CTIF: variants seen among roughly 807,000 people sequenced by gnomAD.
CTIF encodes cap binding complex dependent translation initiation factor.
CTIF carries 21 observed loss-of-function variants against 66.0 expected under a neutral mutation model. That is an observed-to-expected ratio of 0.32 (90% CI 0.23 to 0.46). The LOEUF (loss-of-function observed/expected upper bound fraction) is 0.46, where lower values mean the gene tolerates loss of function less well. Among genes scored for constraint, CTIF ranks in the 20% least tolerant of loss-of-function variants. The pLI is 1.00. For missense variants in CTIF, 739 were observed against 812.7 expected, an observed-to-expected ratio of 0.91 and a Z score of 1.10; for synonymous variants, 345 against 326.4, an observed-to-expected ratio of 1.06 and a Z score of -0.62.
At chr18:48,587,639 T>C (rs1017301428) in intron 1 of CTIF, among the ~76,000 whole-genome samples, 2 of 152,196 alleles carry the variant, frequency 1.3e-5, no homozygotes, top group African/African-American at 4.8e-5. Flanking sequence ...GGCCTCACTT[T>C]TCTCATCTGT....
At chr18:48,666,261 A>G (rs1359692945) in intron 5 of CTIF, among the ~76,000 whole-genome samples, 1 of 152,064 alleles carries the variant, frequency 6.6e-6, no homozygotes, top group African/African-American at 2.4e-5. Context: ...ACACTATCCT[A>G]CATCTCACAT....
chr18:48,550,045 C>T (rs1390619261), intron 1 of CTIF, among the ~76,000 whole-genome samples: 1 of 152,182 alleles, frequency 6.6e-6, no homozygotes, highest in Non-Finnish European at 1.5e-5. Flanking sequence ...GTTTATATCA[C>T]TATAGGTTTG....
intron 5 of CTIF, among the ~76,000 whole-genome samples, chr18:48,669,325 C>G (rs144926664): frequency 5.3e-5 from 8 of 152,152 alleles, no homozygotes; most frequent in African/African-American, 1.9e-4. Context: ...TGGGACATCT[C>G]TCACCATTCC....
In CTIF at chr18:48,862,675, C is replaced by G. The variant is rs966200690; in HGVS notation, c.*3116C>G. 1 of 150,786 alleles carries G rather than the reference C, an allele frequency of 6.6e-6. No homozygotes were observed. Among genetic ancestry groups the G allele is most frequent in the Non-Finnish European group, 1.5e-5 (1 of 68,014 alleles). The allele number at this position is 150,786 out of a possible 1,614,324, so 9.3% of individuals were successfully genotyped here. A position where few individuals can be genotyped will look rare whatever the true frequency, so the allele number is the denominator to read the frequency against. On this transcript the variant is annotated 3_prime_UTR_variant, in exon 12 of 12. Transcript: ENST00000256413. ...TATTCTGATTGATTTTTATTTTATT[C>G]TATTATTTTCTCCGAGGGATGAGGG...
In CTIF at chr18:48,618,184, T is replaced by C. The variant is rs1345765667; in HGVS notation, c.-28-1354T>C. Among the ~76,000 whole-genome samples, 3 of 152,208 alleles carry C rather than the reference T, an allele frequency of 2.0e-5. No homozygotes were observed. The East Asian group carries it at 5.8e-4, about 29-fold the overall frequency. On this transcript the variant is annotated intron_variant, in intron 1 of 11. Transcript: ENST00000256413. ...AAAACACTCAACAAACCCTAGATTATTGGCAAATAACTGTGTTCCAAAGAA... is the reference window on the plus strand; with the variant it reads ...AAAACACTCAACAAACCCTAGATTACTGGCAAATAACTGTGTTCCAAAGAA...
At chr18:48,573,072 G>A (rs1432156817) in intron 1 of CTIF, among the ~76,000 whole-genome samples, 1 of 152,192 alleles carries the variant, frequency 6.6e-6, no homozygotes, top group East Asian at 1.9e-4. Flanking sequence ...CGGGAAGTGA[G>A]CCGTCTCGGA....
chr18:48,672,425 G>A (rs1456791037), intron 6 of CTIF, among the ~76,000 whole-genome samples: 1 of 152,108 alleles, frequency 6.6e-6, no homozygotes, highest in Non-Finnish European at 1.5e-5. Context: ...CACTGGAGAG[G>A]GGCAGGCATA....
In CTIF at chr18:48,859,600, C is replaced by T; in HGVS notation, c.*41C>T. 1 of 1,584,464 alleles carries T rather than the reference C, an allele frequency of 6.3e-7. No homozygotes were observed. The highest frequency in any genetic ancestry group is 8.7e-7 in the Non-Finnish European group (1 of 1,153,688). ...GCAGGCGGCCCACGGGCAGCTGGGGCCCTGGTGCACAGGGCCAGATGGACA... is the reference window on the plus strand; with the variant it reads ...GCAGGCGGCCCACGGGCAGCTGGGGTCCTGGTGCACAGGGCCAGATGGACA... On this transcript the variant is annotated 3_prime_UTR_variant, in exon 12 of 12. Coordinates refer to ENST00000256413, the MANE Select transcript of CTIF (RefSeq NM_014772.3).
rs1568196166 is a variant in CTIF at position 48,761,330 on chromosome 18, A to G, written c.1072-60A>G. The G allele has an allele frequency of 7.8e-6, 12 of 1,537,404 alleles. No individual in the cohort carries two copies. Among genetic ancestry groups the G allele is most frequent in the African/African-American group, 2.7e-5 (2 of 73,468 alleles). On this transcript the variant is annotated intron_variant, in intron 8 of 11. Coordinates refer to ENST00000256413, the MANE Select transcript of CTIF (RefSeq NM_014772.3). The surrounding 1 kb of genome is among the most constrained non-coding windows in gnomAD (Gnocchi z 4.2). Reference sequence around the variant, plus strand: ...GTGGCCACCCTCTTTCCACCAGGCCACCCCTGCACAGAGACCTCGGCTTCA... The same window carrying G: ...GTGGCCACCCTCTTTCCACCAGGCCGCCCCTGCACAGAGACCTCGGCTTCA...
At chr18:48,573,681 C>T (rs553293077) in intron 1 of CTIF, among the ~76,000 whole-genome samples, 3 of 152,176 alleles carry the variant, frequency 2.0e-5, no homozygotes, top group Non-Finnish European at 2.9e-5. Flanking sequence ...GTTTCTGTGA[C>T]AAAAGCTCCA....
intron 7 of CTIF, among the ~76,000 whole-genome samples, chr18:48,724,368 C>T (rs1036016536): frequency 7.2e-5 from 11 of 152,146 alleles, no homozygotes; most frequent in African/African-American, 2.7e-4. Flanking sequence ...AGCTCTGTCC[C>T]CACCTACCCT....
chr18:48,645,635 G>T (rs924438610), intron 3 of CTIF, among the ~76,000 whole-genome samples: 3 of 152,240 alleles, frequency 2.0e-5, no homozygotes, highest in African/African-American at 7.2e-5. Flanking sequence ...GAGACAGCAG[G>T]AACCTGACTT....
Position 48,859,501 on chromosome 18 carries a change from C to G in CTIF, c.1739C>G (p.Pro580Arg). Residue 580 changes from proline (P) to arginine (R), a missense_variant, in exon 12 of 12, where the codon CCT (proline) becomes CGT (arginine). Pro to Arg is a moderately radical substitution (Grantham distance 103). This residue lies in a region of CTIF where 210 missense variants were observed against 292.3 expected (regional missense o/e 0.72). Transcript: ENST00000256413. ...VIELHANSWN[P>R]LTPPITQYYN... ...GAGCTCCACGCTAACAGCTGGAACC[C>G]TCTGACGCCCCCCATCACGCAGTAC... 1 of 1,614,214 alleles carries G rather than the reference C, an allele frequency of 6.2e-7. No individual in the cohort carries two copies. Among genetic ancestry groups the G allele is most frequent in the Non-Finnish European group, 8.5e-7 (1 of 1,180,042 alleles).
intron 10 of CTIF, among the ~76,000 whole-genome samples, chr18:48,829,261 T>G (rs1008736106): frequency 6.6e-6 from 1 of 152,166 alleles, no homozygotes; most frequent in African/African-American, 2.4e-5. Context: ...GATGCCCTCC[T>G]GCTCACACAC....
intron 9 of CTIF, among the ~76,000 whole-genome samples, chr18:48,771,003 C>G (rs1056767526): frequency 2.0e-5 from 3 of 152,130 alleles, no homozygotes; most frequent in Non-Finnish European, 2.9e-5. Context: ...TTTCCCCCCC[C>G]TACGCTGATT....
Position 48,844,292 on chromosome 18 carries a change from G to A in CTIF, c.1528-13296G>A, listed in dbSNP as rs147604426. 3.4e-4 allele frequency among the ~76,000 whole-genome samples: 52 copies of A among 152,326 alleles called. 2 individuals are homozygous for A. In the East Asian group the frequency reaches 8.7e-3, roughly 25 times the overall value. ...CCCAGGGTCCTGGGGATTCCTGGCT[G>A]CAGGCACTGTGAACAGAACTAGCCC... On this transcript the variant is annotated intron_variant, in intron 10 of 11. Transcript: ENST00000256413.
chr18:48,722,589 C>G (rs1046526400), intron 7 of CTIF, among the ~76,000 whole-genome samples: 1 of 152,086 alleles, frequency 6.6e-6, no homozygotes, highest in Non-Finnish European at 1.5e-5. Flanking sequence ...CCCAGCCATA[C>G]CTGTTGGTGC....
At chr18:48,819,209 C>CT (rs931913473) in intron 10 of CTIF, among the ~76,000 whole-genome samples, 13 of 152,242 alleles carry the variant, frequency 8.5e-5, no homozygotes, top group African/African-American at 3.1e-4. Flanking sequence ...CCTCTCCTGA[C>CT]TTTGTTTCAC....
intron 1 of CTIF, among the ~76,000 whole-genome samples, chr18:48,606,928 G>A (rs1453037199): frequency 1.3e-5 from 2 of 152,074 alleles, no homozygotes; most frequent in African/African-American, 2.4e-5. Flanking sequence ...CACAGGGGCC[G>A]GCACATACTA....
Sources: allele counts gnomAD v4.1 joint callset (sites outside exome capture counted in the v4.1 genomes callset), GRCh38; gene constraint gnomAD v4.1.1; regional missense constraint gnomAD v4.1.1; non-coding constraint Gnocchi (gnomAD v3.1); transcripts MANE v1.5; gene names NCBI Gene and HGNC (gene_info 2026-07-23, HGNC 2026-07-21).